DNAH14: variants seen among roughly 807,000 people sequenced by gnomAD.
DNAH14 encodes dynein axonemal heavy chain 14.
In DNAH14, 478 loss-of-function variants were observed where a neutral mutation model predicts 520.9. The ratio of observed to expected loss-of-function variants is 0.92; its 90% CI spans 0.85 to 0.99. The LOEUF (loss-of-function observed/expected upper bound fraction) is 0.99. Ranked by LOEUF, DNAH14 falls within the 50% of genes least tolerant of loss-of-function variation. The pLI, the probability that DNAH14 is intolerant of heterozygous loss-of-function variation, is 0.00. For missense variants in DNAH14, 4,831 were observed against 5,234.5 expected, an observed-to-expected ratio of 0.92 and a Z score of 2.38; for synonymous variants, 1,581 against 1,757.2, an observed-to-expected ratio of 0.90 and a Z score of 2.51.
intron 36 of DNAH14, among the ~76,000 whole-genome samples, chr1:225,178,085 G>A (rs892226868): frequency 6.6e-6 from 1 of 152,148 alleles, no homozygotes; most frequent in Non-Finnish European, 1.5e-5. Flanking sequence ...ATCTGGATGT[G>A]AGACATGAAG....
chr1:225,128,100 C>T (rs1236859637), intron 27 of DNAH14, among the ~76,000 whole-genome samples: 1 of 152,140 alleles, frequency 6.6e-6, no homozygotes, highest in Non-Finnish European at 1.5e-5. Flanking sequence ...ATGGGCTTCC[C>T]TTTGTGGGTA....
chr1:225,203,037 A>G (rs1462383427), intron 38 of DNAH14, among the ~76,000 whole-genome samples: 1 of 151,906 alleles, frequency 6.6e-6, no homozygotes, highest in Non-Finnish European at 1.5e-5. Context: ...CAGTTTGGAC[A>G]CTCTCAGTAT....
intron 18 of DNAH14, among the ~76,000 whole-genome samples, chr1:225,079,799 G>A (rs934624764): frequency 1.3e-3 from 195 of 146,120 alleles, no homozygotes; most frequent in African/African-American, 4.2e-3. Context: ...TCAGCCTCCC[G>A]AGTAGCTGGG....
chr1:225,254,106 G>A (rs1168236281), intron 44 of DNAH14, among the ~76,000 whole-genome samples: 1 of 151,890 alleles, frequency 6.6e-6, no homozygotes, highest in Non-Finnish European at 1.5e-5. Context: ...ATGTGGTGGT[G>A]AAACCTAAAG....
chr1:225,258,169 A>G (rs932677668), intron 45 of DNAH14, 51 bp downstream of exon 45: 27 of 1,408,538 alleles, frequency 1.9e-5, no homozygotes, highest in Non-Finnish European at 2.4e-5. Flanking sequence ...AAAAAGATTT[A>G]CAGATATTTG....
At position 225,324,230 on chromosome 1, in the gene DNAH14, G is replaced by A. The variant is rs576118444; in HGVS notation, c.9504G>A (p.Val3168=). 9.0e-6 allele frequency: 14 copies of A among 1,551,622 alleles called. No homozygotes were observed. In the South Asian group the frequency reaches 1.7e-4, roughly 18 times the overall value. Residue 3168 remains valine, a synonymous_variant, in exon 63 of 86, where the codon GTG becomes GTA. Transcript: ENST00000682510. ...AACTGTGTTCTCTCTAGGTTTTCGT[G>A]AAGCTAAAAAAAATTGTAACCTTAC... ...DKDSIPDKVF[V]KLKKIVTLPD... is the part of the protein sequence containing the mutation.
At chr1:225,293,247 T>G in intron 55 of DNAH14, among the ~76,000 whole-genome samples, 1 of 152,204 alleles carries the variant, frequency 6.6e-6, no homozygotes, top group East Asian at 1.9e-4. Flanking sequence ...GTTCAGCCAC[T>G]GTGGAAGACA....
At chr1:224,952,580 T>A in intron 1 of DNAH14, 90 bp from the exon 2 acceptor site, 2 of 634,944 alleles carry the variant, frequency 3.1e-6, no homozygotes, top group Non-Finnish European at 5.0e-6. Context: ...ATTGAGAAGC[T>A]GGGAACTATA....
chr1:225,257,753 TCTCGATCTCCTGAA>T (rs2092790910), intron 44 of DNAH14, among the ~76,000 whole-genome samples, 193 bp from the exon 45 acceptor site: 1 of 152,060 alleles, frequency 6.6e-6, no homozygotes, highest in Non-Finnish European at 1.5e-5. Flanking sequence ...GCCAGGATGG[TCTCGATCTCCTGAA>T]CTCCTGATCT....
Position 225,082,535 on chromosome 1 carries a change from A to G in DNAH14, c.3137-14A>G, listed in dbSNP as rs1313757661. 7.2e-6 allele frequency: 11 copies of G among 1,522,794 alleles called. No individual in the cohort carries two copies. The highest frequency in any genetic ancestry group is 1.4e-5 in the African/African-American group (1 of 71,946). 94.3% of individuals were successfully genotyped at this position (1,522,794 alleles called of 1,614,324 possible). A position where few individuals can be genotyped will look rare whatever the true frequency, so the allele number is the denominator to read the frequency against. On this transcript the variant is annotated splice_polypyrimidine_tract_variant and intron_variant, in intron 19 of 85. Coordinates refer to ENST00000682510, the MANE Select transcript of DNAH14 (RefSeq NM_001367479.1). ...GAACATATTATAAGCCTACTGACCC[A>G]TTGTTATTTATAGGTTTACCTAAAA...
chr1:224,988,905 G>C (rs576182210), intron 8 of DNAH14, among the ~76,000 whole-genome samples: 3 of 152,292 alleles, frequency 2.0e-5, no homozygotes, highest in Non-Finnish European at 4.4e-5. Flanking sequence ...CCATTAATGG[G>C]ATTAGAGGTG....
At chr1:224,971,648 A>G (rs80081746) in intron 7 of DNAH14, among the ~76,000 whole-genome samples, 8,387 of 152,298 alleles carry the variant, frequency 0.055, 471 homozygotes, top group East Asian at 0.24. Flanking sequence ...GAGATGTGGC[A>G]GTGAAGCAGA....
At chr1:225,321,619 T>C (rs1466658755) in intron 61 of DNAH14, among the ~76,000 whole-genome samples, 1 of 152,302 alleles carries the variant, frequency 6.6e-6, no homozygotes, top group East Asian at 1.9e-4. Flanking sequence ...CAAATGCTGG[T>C]GCACAGCAAC....
intron 1 of DNAH14, among the ~76,000 whole-genome samples, chr1:224,934,216 A>G (rs1485857468): frequency 6.6e-6 from 1 of 152,066 alleles, no homozygotes; most frequent in East Asian, 1.9e-4. Context: ...CAGATACAGA[A>G]CTCAAAATAC....
chr1:225,287,947 A>G (rs2093785334), intron 54 of DNAH14, among the ~76,000 whole-genome samples: 2 of 152,180 alleles, frequency 1.3e-5, no homozygotes. Flanking sequence ...ATAAATATCC[A>G]TGGGCCCATA....
In DNAH14 at chr1:225,100,797, T is replaced by C; in HGVS notation, c.3780T>C (p.Asn1260=). 6.5e-7 allele frequency: 1 copy of C among 1,539,660 alleles called. No individual in the cohort carries two copies. The highest frequency in any genetic ancestry group is 8.7e-7 in the Non-Finnish European group (1 of 1,143,484). ...KIMSKIQNKQ[N]ALQITTSAGV... ...TGTCAAAAATACAAAACAAACAGAA[T>C]GCTTTGCAGATAACCACTTCTGCAG... The change falls in exon 23 of 86, where the codon AAT becomes AAC. Residue 1260 remains asparagine (N), a synonymous_variant. Coordinates refer to ENST00000682510, the MANE Select transcript of DNAH14 (RefSeq NM_001367479.1).
chr1:225,057,460 C>T (rs1011578588), intron 17 of DNAH14, among the ~76,000 whole-genome samples: 1 of 152,182 alleles, frequency 6.6e-6, no homozygotes, highest in Non-Finnish European at 1.5e-5. Flanking sequence ...GATATACAAT[C>T]ATGTCATCTG....
intron 35 of DNAH14, 88 bp downstream of exon 35, chr1:225,159,573 C>A (rs970620641): frequency 2.5e-5 from 32 of 1,270,146 alleles, no homozygotes; most frequent in African/African-American, 7.6e-5. Context: ...TATTACAGTT[C>A]TTCCTAAATT....
At chr1:225,385,604 A>G (rs538975115) in intron 81 of DNAH14, among the ~76,000 whole-genome samples, 1 of 152,212 alleles carries the variant, frequency 6.6e-6, no homozygotes, top group Non-Finnish European at 1.5e-5. Context: ...CAGAGAGCCA[A>G]ATCATGAGTG....
Sources: allele counts gnomAD v4.1 joint callset (sites outside exome capture counted in the v4.1 genomes callset), GRCh38; gene constraint gnomAD v4.1.1; transcripts MANE v1.5; gene names NCBI Gene and HGNC (gene_info 2026-07-23, HGNC 2026-07-21).